Variants in IQCM observed in about 807,000 individuals in gnomAD.
IQCM encodes IQ motif containing M.
IQCM carries 45 observed loss-of-function variants against 57.6 expected under a neutral mutation model. The ratio of observed to expected loss-of-function variants is 0.78; its 90% CI spans 0.62 to 1.00. The LOEUF (loss-of-function observed/expected upper bound fraction) is 1.00, where lower values mean the gene tolerates loss of function less well. IQCM is among the 50% of genes least tolerant of loss of function. The pLI, the probability that IQCM is intolerant of heterozygous loss-of-function variation, is 0.00. For synonymous variants in IQCM, 148 were observed against 158.9 expected (o/e 0.93, Z 0.51); for missense variants, 468 against 511.6 (o/e 0.91, Z 0.82).
rs532809725 is a variant in IQCM at position 149,415,719 on chromosome 4, G to C, written c.1390+17677C>G. On this transcript the variant is annotated intron_variant, in intron 13 of 13. Transcript: ENST00000636793. ...CCATAATGGAATATGTAATATTATAGGTAAAGTAGTAATAAGCTCTGCAAG... is the reference window on the plus strand; with the variant it reads ...CCATAATGGAATATGTAATATTATACGTAAAGTAGTAATAAGCTCTGCAAG... Among the ~76,000 whole-genome samples the C allele has an allele frequency of 6.6e-5, 10 of 152,190 alleles. No individual in the cohort carries two copies. In the South Asian group the frequency reaches 1.4e-3, roughly 22 times the overall value.
At chr4:149,661,618 T>G (rs1760219807) in intron 7 of IQCM, among the ~76,000 whole-genome samples, 1 of 152,140 alleles carries the variant, frequency 6.6e-6, no homozygotes, top group South Asian at 2.1e-4. Flanking sequence ...TGTTACTGAT[T>G]CAATTTCCTC....
At chr4:149,402,730 A>C (rs1383307749) in intron 13 of IQCM, among the ~76,000 whole-genome samples, 2 of 151,920 alleles carry the variant, frequency 1.3e-5, no homozygotes, top group African/African-American at 4.8e-5. Flanking sequence ...CTTAACTAGG[A>C]AGTCTGTAGT....
chr4:149,636,531 C>A (rs868349906), intron 7 of IQCM, among the ~76,000 whole-genome samples: 1 of 152,106 alleles, frequency 6.6e-6, no homozygotes, highest in Non-Finnish European at 1.5e-5. Flanking sequence ...TATCTCCAAT[C>A]CAAACACTGC....
intron 12 of IQCM, among the ~76,000 whole-genome samples, chr4:149,522,741 G>A (rs1412176938): frequency 2.0e-5 from 3 of 151,574 alleles, no homozygotes; most frequent in Admixed American, 6.6e-5. Context: ...CAGAAGGAAG[G>A]GTAATTAATC....
intron 10 of IQCM, among the ~76,000 whole-genome samples, chr4:149,557,898 A>G (rs1749742886): frequency 6.6e-6 from 1 of 152,140 alleles, no homozygotes; most frequent in African/African-American, 2.4e-5. Flanking sequence ...AATATTTTTT[A>G]TCTTAAACTA....
At chr4:149,356,490 A>T (rs1467992721) in intron 13 of IQCM, among the ~76,000 whole-genome samples, 1 of 151,680 alleles carries the variant, frequency 6.6e-6, no homozygotes, top group African/African-American at 2.4e-5. Flanking sequence ...AGCACCATTT[A>T]TTAAATAGGG....
intron 13 of IQCM, chr4:149,430,067 A>G (rs1009132728): frequency 6.8e-6 from 8 of 1,184,994 alleles, no homozygotes; most frequent in Non-Finnish European, 8.5e-6. Flanking sequence ...TTCTTAATTC[A>G]TCTTATTAAA....
chr4:149,563,343 G>C (rs1750310568), intron 10 of IQCM, among the ~76,000 whole-genome samples: 1 of 152,040 alleles, frequency 6.6e-6, no homozygotes, highest in Non-Finnish European at 1.5e-5. Flanking sequence ...GATAAGTGAG[G>C]CCTTTTGTTC....
At chr4:149,812,258 C>T (rs956858035) in intron 2 of IQCM, among the ~76,000 whole-genome samples, 4 of 152,086 alleles carry the variant, frequency 2.6e-5, no homozygotes, top group African/African-American at 9.7e-5. Flanking sequence ...ATCACTATGA[C>T]AAAGGGCAAA....
At chr4:149,499,583 C>G (rs1047146396) in intron 12 of IQCM, among the ~76,000 whole-genome samples, 2 of 151,774 alleles carry the variant, frequency 1.3e-5, no homozygotes. Context: ...CTCAGCGAAG[C>G]AAAAATTGCT....
intron 5 of IQCM, among the ~76,000 whole-genome samples, chr4:149,721,092 T>G (rs1765407491): frequency 6.6e-6 from 1 of 152,132 alleles, no homozygotes; most frequent in South Asian, 2.1e-4. Context: ...CATCTACTGA[T>G]TCAACTAATG....
intron 5 of IQCM, among the ~76,000 whole-genome samples, chr4:149,720,259 G>T (rs950435232): frequency 1.3e-5 from 2 of 152,056 alleles, no homozygotes; most frequent in Non-Finnish European, 2.9e-5. Flanking sequence ...GTTAGCAGAA[G>T]AAAAATGGTA....
intron 12 of IQCM, among the ~76,000 whole-genome samples, chr4:149,538,051 A>G (rs935104347): frequency 6.6e-6 from 1 of 151,390 alleles, no homozygotes; most frequent in Non-Finnish European, 1.5e-5. Context: ...TACATTTGCA[A>G]TATACATTTG....
intron 3 of IQCM, among the ~76,000 whole-genome samples, chr4:149,736,488 A>G (rs1473366425): frequency 2.6e-5 from 4 of 152,120 alleles, no homozygotes; most frequent in Non-Finnish European, 5.9e-5. Context: ...ATTTAAATAT[A>G]TTACCTATTC....
At chr4:149,652,203 A>T (rs768395361) in intron 7 of IQCM, among the ~76,000 whole-genome samples, 2 of 152,162 alleles carry the variant, frequency 1.3e-5, no homozygotes, top group Non-Finnish European at 2.9e-5. Context: ...ACACAGGAAC[A>T]GCAAACACTT....
intron 12 of IQCM, among the ~76,000 whole-genome samples, chr4:149,489,712 T>C (rs1459285683): frequency 6.6e-6 from 1 of 151,894 alleles, no homozygotes; most frequent in Non-Finnish European, 1.5e-5. Flanking sequence ...AAAATTGACC[T>C]GCTTTGCTGT....
intron 12 of IQCM, among the ~76,000 whole-genome samples, chr4:149,526,663 C>G (rs1746195005): frequency 6.6e-6 from 1 of 151,842 alleles, no homozygotes; most frequent in South Asian, 2.1e-4. Flanking sequence ...ATAAAATGCT[C>G]TCAACAGAAC....
chr4:149,621,095 A>G (rs1360421816), intron 8 of IQCM, 34 bp downstream of exon 8: 2 of 1,036,930 alleles, frequency 1.9e-6, no homozygotes, highest in Non-Finnish European at 2.5e-6. Flanking sequence ...AAAAATGGCA[A>G]TTCAAATCTA....
Position 149,815,626 on chromosome 4 carries a change from T to G in IQCM, c.-113A>C, listed in dbSNP as rs1159752251. The G allele has an allele frequency of 6.6e-6, 1 of 152,014 alleles. No individual in the cohort carries two copies. Among genetic ancestry groups the G allele is most frequent in the African/African-American group, 2.4e-5 (1 of 41,436 alleles). The allele number at this position is 152,014 out of a possible 1,614,324, so 9.4% of individuals were successfully genotyped here. Reference sequence around the variant, plus strand: ...TTTCTGCCTTAGTTCCAACAAAACTTCTAGAAACAAATTCACTGCCCCAAA... The same window carrying G: ...TTTCTGCCTTAGTTCCAACAAAACTGCTAGAAACAAATTCACTGCCCCAAA... On this transcript the variant is annotated 5_prime_UTR_variant, in exon 1 of 14. Coordinates refer to ENST00000636793, the MANE Select transcript of IQCM (RefSeq NM_001363507.2).
Sources: allele counts gnomAD v4.1 joint callset (sites outside exome capture counted in the v4.1 genomes callset), GRCh38; gene constraint gnomAD v4.1.1; transcripts MANE v1.5; gene names NCBI Gene and HGNC (gene_info 2026-07-23, HGNC 2026-07-21).